Variants in RBFOX2 observed in about 807,000 individuals in gnomAD.
RBFOX2 encodes the protein RNA binding protein fox-1 homolog 2.
RBFOX2 carries 10 observed loss-of-function variants against 49.1 expected under a neutral mutation model. The observed-to-expected ratio is 0.20, with a 90% CI of 0.13 to 0.35. The LOEUF is 0.35. RBFOX2 is among the 10% of genes least tolerant of loss of function. The pLI, the probability that RBFOX2 is intolerant of heterozygous loss-of-function variation, is 1.00. For missense variants in RBFOX2, 323 were observed against 486.9 expected (o/e 0.66, Z 3.17); for synonymous variants, 183 against 187.4 (o/e 0.98, Z 0.19).
chr22:35,946,462 G>C (rs2054287631), intron 1 of RBFOX2, among the ~76,000 whole-genome samples: 1 of 152,112 alleles, frequency 6.6e-6, no homozygotes, highest in African/African-American at 2.4e-5. Context: ...CTGTGTAATA[G>C]ATAATATCTA....
At chr22:35,926,335 C>T (rs114056183) in intron 1 of RBFOX2, among the ~76,000 whole-genome samples, 1,612 of 152,282 alleles carry the variant, frequency 0.011, 24 homozygotes, top group African/African-American at 0.036. Flanking sequence ...ATGAATTTCT[C>T]GATTTTGAAA....
exon 12 of RBFOX2, chr22:35,740,554 G>A (rs1312709925): frequency 6.6e-6 from 1 of 152,432 alleles, no homozygotes; most frequent in Non-Finnish European, 1.5e-5. Flanking sequence ...TTTCCTCCTA[G>A]TATCTGGGGG....
chr22:35,806,409 C>T lies in RBFOX2; in HGVS notation c.252+3371G>A, dbSNP rs5755953. 5.3e-3 allele frequency among the ~76,000 whole-genome samples: 811 copies of T among 151,916 alleles called. 35 individuals carry two copies. The East Asian group carries it at 0.12, about 22-fold the overall frequency. On this transcript the variant is annotated intron_variant, in intron 2 of 11. Transcript: ENST00000405409. ...TATGTATGACAATAGCACAAAGGCG[C>T]GTGGGGAATGAAGCTATATTAGACC...
chr22:35,958,408 T>C, intron 1 of RBFOX2, among the ~76,000 whole-genome samples: 1 of 152,346 alleles, frequency 6.6e-6, no homozygotes, highest in South Asian at 2.1e-4. Context: ...ATTGTAACAA[T>C]TTTTATTATA....
intron 1 of RBFOX2, among the ~76,000 whole-genome samples, chr22:35,971,188 A>G (rs778028882): frequency 9.2e-5 from 14 of 152,116 alleles, no homozygotes; most frequent in Non-Finnish European, 1.9e-4. Context: ...TGGCAACAAT[A>G]CTACATGGGA....
chr22:36,004,403 G>A (rs992640205), intron 1 of RBFOX2, among the ~76,000 whole-genome samples: 1 of 152,022 alleles, frequency 6.6e-6, no homozygotes, highest in Non-Finnish European at 1.5e-5. Context: ...TTTCTCCCAC[G>A]CCCTTATTCT....
exon 12 of RBFOX2, chr22:35,740,781 C>A (rs1008358708): frequency 6.6e-6 from 1 of 152,238 alleles, no homozygotes; most frequent in Non-Finnish European, 1.5e-5. Context: ...TTGCTTCCAT[C>A]CCTGTTTGAT....
intron 1 of RBFOX2, among the ~76,000 whole-genome samples, chr22:35,834,699 A>G (rs1444591820): frequency 6.6e-6 from 1 of 152,130 alleles, no homozygotes; most frequent in Non-Finnish European, 1.5e-5. Context: ...CCTGAGCAGG[A>G]GGGTCTTAGG....
At chr22:36,003,468 T>C (rs554415119) in intron 1 of RBFOX2, among the ~76,000 whole-genome samples, 1 of 152,272 alleles carries the variant, frequency 6.6e-6, no homozygotes, top group South Asian at 2.1e-4. Flanking sequence ...AAATTAGATG[T>C]AGGGAAGCAA....
intron 1 of RBFOX2, among the ~76,000 whole-genome samples, chr22:35,810,362 A>G (rs895808346): frequency 3.3e-5 from 5 of 152,208 alleles, no homozygotes; most frequent in African/African-American, 9.7e-5. Flanking sequence ...ACTACAGCCT[A>G]TACCACAGAG....
chr22:35,930,555 C>T (rs531236965), intron 1 of RBFOX2, among the ~76,000 whole-genome samples: 22 of 151,946 alleles, frequency 1.4e-4, no homozygotes, highest in Non-Finnish European at 2.6e-4. Flanking sequence ...TCTGGGCAGG[C>T]GCAGTGGCTC....
intron 1 of RBFOX2, among the ~76,000 whole-genome samples, chr22:35,894,924 G>A (rs1195686562): frequency 6.6e-6 from 1 of 151,532 alleles, no homozygotes; most frequent in Non-Finnish European, 1.5e-5. Flanking sequence ...AAACTGGGGG[G>A]CAAGAGTTTG....
At chr22:35,959,371 T>C (rs1159242875) in intron 1 of RBFOX2, among the ~76,000 whole-genome samples, 1 of 152,178 alleles carries the variant, frequency 6.6e-6, no homozygotes, top group African/African-American at 2.4e-5. Context: ...CATTTACCCC[T>C]AGGCCAAGAA....
At chr22:35,967,525 C>T (rs530444045) in intron 1 of RBFOX2, among the ~76,000 whole-genome samples, 51 of 152,180 alleles carry the variant, frequency 3.4e-4, no homozygotes, top group Non-Finnish European at 4.1e-4. Context: ...TCAAGTGCCT[C>T]GTATGCACCC....
rs558482816 is a variant in RBFOX2 at position 36,016,601 on chromosome 22, A to G, written c.186+11639T>C. ...ACCAAGGAACCAGCCTATACATGGG[A>G]AAAATCCCACACACCAAGGTGTTAC... On this transcript the variant is annotated intron_variant, in intron 1 of 13. Coordinates refer to the RBFOX2 transcript ENST00000438146. 1.5e-4 allele frequency among the ~76,000 whole-genome samples: 23 copies of G among 152,346 alleles called. 1 individual carries two copies. In the South Asian group the frequency reaches 4.6e-3, roughly 30 times the overall value.
intron 1 of RBFOX2, among the ~76,000 whole-genome samples, chr22:35,928,412 C>T (rs1023793121): frequency 1.3e-5 from 2 of 152,166 alleles, no homozygotes; most frequent in Admixed American, 1.3e-4. Context: ...TTCTCTTCAT[C>T]ACATGAAGAG....
At chr22:35,967,859 A>T (rs907632326) in intron 1 of RBFOX2, among the ~76,000 whole-genome samples, 1 of 152,224 alleles carries the variant, frequency 6.6e-6, no homozygotes, top group Non-Finnish European at 1.5e-5. Context: ...AATGTAAGTT[A>T]TAAGTCCAGC....
intron 4 of RBFOX2, among the ~76,000 whole-genome samples, chr22:35,769,391 C>A (rs531165934): frequency 6.6e-6 from 1 of 152,168 alleles, no homozygotes; most frequent in East Asian, 1.9e-4. Context: ...ATCAGGAGAC[C>A]AGGGAGTTGA....
intron 1 of RBFOX2, among the ~76,000 whole-genome samples, chr22:35,877,764 C>A (rs1404063182): frequency 1.3e-5 from 2 of 152,050 alleles, no homozygotes; most frequent in Non-Finnish European, 2.9e-5. Flanking sequence ...CTCAATAGTA[C>A]AAAGCACTGG....
Sources: allele counts gnomAD v4.1 joint callset (sites outside exome capture counted in the v4.1 genomes callset), GRCh38; gene constraint gnomAD v4.1.1; transcripts MANE v1.5; gene names NCBI Gene and HGNC (gene_info 2026-07-23, HGNC 2026-07-21).